RAB40C: variants seen among roughly 807,000 people sequenced by gnomAD.
RAB40C encodes the protein ras-related protein Rab-40C.
Under a neutral mutation model 28.1 loss-of-function variants are expected in RAB40C, and 8 were observed. The observed-to-expected ratio is 0.28, with a 90% CI of 0.17 to 0.51. The LOEUF is 0.51. Ranked by LOEUF, RAB40C falls within the 20% of genes least tolerant of loss-of-function variation. The pLI is 0.97. For synonymous variants in RAB40C, 201 were observed against 171.7 expected, an observed-to-expected ratio of 1.17 and a Z score of -1.34; for missense variants, 288 against 405.9, an observed-to-expected ratio of 0.71 and a Z score of 2.50.
chr16:614,827 C>T (rs1368103715), intron 1 of RAB40C, among the ~76,000 whole-genome samples: 3 of 151,914 alleles, frequency 2.0e-5, no homozygotes, highest in African/African-American at 4.8e-5. Context: ...AACTCTACCT[C>T]GTCCCAGTGG....
chr16:607,749 C>T (rs1412070910), intron 1 of RAB40C, among the ~76,000 whole-genome samples: 1 of 152,184 alleles, frequency 6.6e-6, no homozygotes, highest in Non-Finnish European at 1.5e-5. Context: ...CGAGATCGCG[C>T]CACTGCACTC....
Position 590,148 on chromosome 16 carries a change from C to A in RAB40C, c.-144C>A. ...CGCCCGGGCGCGGGCGGGGCGGGGC[C>A]GGCGCTGGGCTTCGGGCGCGCCCAC... On this transcript the variant is annotated 5_prime_UTR_variant, in exon 1 of 6. Transcript: ENST00000248139. 2.5e-6 allele frequency: 1 copy of A among 395,224 alleles called. No individual in the cohort carries two copies. Among genetic ancestry groups the A allele is most frequent in the Non-Finnish European group, 3.4e-6 (1 of 293,094 alleles). The allele number at this position is 395,224 out of a possible 1,614,324, so 24.5% of individuals were successfully genotyped here. A position where few individuals can be genotyped will look rare whatever the true frequency, so the allele number is the denominator to read the frequency against.
rs2036877739 is a variant in RAB40C, at chr16:627,993, G to T, written c.*371G>T. On this transcript the variant is annotated 3_prime_UTR_variant, in exon 6 of 6. Coordinates refer to ENST00000248139, the MANE Select transcript of RAB40C (RefSeq NM_021168.5). ...AGGGAAGCCTGGGTGTGGCCCGGTG[G>T]TGGTGCACTGGTGACTTCATGGCCA... is the stretch of plus-strand genomic sequence containing the variant. 1 of 209,202 alleles carries T rather than the reference G, an allele frequency of 4.8e-6. No individual in the cohort carries two copies. The highest frequency in any genetic ancestry group is 9.5e-6 in the Non-Finnish European group (1 of 105,588). 13.0% of individuals were successfully genotyped at this position (209,202 alleles called of 1,614,324 possible).
At chr16:621,192 C>T (rs1009768763) in intron 3 of RAB40C, among the ~76,000 whole-genome samples, 6 of 152,206 alleles carry the variant, frequency 3.9e-5, no homozygotes, top group Admixed American at 1.3e-4. Context: ...CCTGAGTCTC[C>T]AGGCGGGCCT....
intron 1 of RAB40C, among the ~76,000 whole-genome samples, chr16:591,164 G>T (rs4984898): frequency 0.39 from 56,454 of 145,228 alleles, 11,623 homozygotes; most frequent in East Asian, 0.61. Context: ...ATGGGTCTGG[G>T]ATCTCAGGGG....
chr16:623,579 G>A lies in RAB40C; in HGVS notation c.265-1853G>A, dbSNP rs555028993. Among the ~76,000 whole-genome samples, 7 of 151,502 alleles carry A rather than the reference G, an allele frequency of 4.6e-5. No homozygotes were observed. The South Asian group carries it at 8.4e-4, about 18-fold the overall frequency. ...TGAGGCAGGAGAATGGCGTGAACCCGGAAGCGGAGATCGTGCGGCTGCACT... is the reference window on the plus strand; with the variant it reads ...TGAGGCAGGAGAATGGCGTGAACCCAGAAGCGGAGATCGTGCGGCTGCACT... On this transcript the variant is annotated intron_variant, in intron 3 of 5. Coordinates refer to ENST00000248139, the MANE Select transcript of RAB40C (RefSeq NM_021168.5).
intron 1 of RAB40C, among the ~76,000 whole-genome samples, chr16:603,796 G>A (rs1439887628): frequency 7.2e-6 from 1 of 139,652 alleles, no homozygotes; most frequent in Non-Finnish European, 1.6e-5. Context: ...CCCAGCAGTC[G>A]GCTTCCATCA....
chr16:611,988 G>A (rs554655952), intron 1 of RAB40C, among the ~76,000 whole-genome samples: 2 of 51,784 alleles, frequency 3.9e-5, no homozygotes, highest in Admixed American at 2.0e-4. Context: ...CAGCCGCCCT[G>A]GCCTGTAGAA....
chr16:590,459 T>A lies in RAB40C; in HGVS notation c.142+26T>A, dbSNP rs183476305. 3,286 of 1,540,142 alleles carry A rather than the reference T, an allele frequency of 2.1e-3. 74 individuals carry two copies. The African/African-American group carries it at 0.041, about 19-fold the overall frequency. ...GTAAGGCCCGGCCCGCGGCGCGCGC[T>A]GCTACGCGGGGCCCGAGCCCGGCGA... On this transcript the variant is annotated intron_variant, in intron 1 of 5. Coordinates refer to ENST00000248139, the MANE Select transcript of RAB40C (RefSeq NM_021168.5).
intron 3 of RAB40C, 79 bp downstream of exon 3, chr16:618,339 G>A (rs889312378): frequency 1.3e-5 from 18 of 1,378,490 alleles, no homozygotes; most frequent in Non-Finnish European, 1.7e-5. Flanking sequence ...TTGTTGTCCT[G>A]TCAAACTCCC....
rs773521949 is a variant in RAB40C at position 590,411 on chromosome 16, G to A, written c.120G>A (p.Glu40=). The A allele has an allele frequency of 3.8e-6, 6 of 1,591,528 alleles. No individual in the cohort carries two copies. Among genetic ancestry groups the A allele is most frequent in the East Asian group, 2.4e-5 (1 of 42,394 alleles). Residue 40 remains glutamate (E), a synonymous_variant, in exon 1 of 6, where the codon GAG becomes GAA. Transcript: ENST00000248139. The part of the protein sequence containing the change: ...ILESLQDGAA[E]SPYAYSNGID... ...AGAGCCTGCAGGACGGCGCGGCAGA[G>A]TCCCCGTACGCCTACAGTAACGGTA...
chr16:627,697 G>C lies in RAB40C; in HGVS notation c.*75G>C, dbSNP rs1438856646. ...ACACTCCTGGCTGGACGCCAGGCCA[G>C]TGCCGCCTACGTGGAGACTGTCCAC... is the stretch of plus-strand genomic sequence containing the variant. On this transcript the variant is annotated 3_prime_UTR_variant, in exon 6 of 6. Coordinates refer to ENST00000248139, the MANE Select transcript of RAB40C (RefSeq NM_021168.5). The C allele has an allele frequency of 4.1e-6, 6 of 1,468,602 alleles. No individual in the cohort carries two copies. The African/African-American group carries it at 7.1e-5, about 17-fold the overall frequency. The allele number at this position is 1,468,602 out of a possible 1,614,324, so 91.0% of individuals were successfully genotyped here.
chr16:599,204 C>T (rs1270231864), intron 1 of RAB40C, among the ~76,000 whole-genome samples: 2 of 152,262 alleles, frequency 1.3e-5, no homozygotes, highest in Admixed American at 6.5e-5. Context: ...CAGGCCCCGG[C>T]CCCGGCCGAA....
chr16:601,103 G>GTTT (rs2036240135), intron 1 of RAB40C, among the ~76,000 whole-genome samples: 1 of 152,174 alleles, frequency 6.6e-6, no homozygotes, highest in Non-Finnish European at 1.5e-5. Flanking sequence ...TTTCCTCACC[G>GTTT]TTCAGTAAAT....
chr16:613,220 C>A (rs2036519457), intron 1 of RAB40C, among the ~76,000 whole-genome samples: 1 of 150,966 alleles, frequency 6.6e-6, no homozygotes, highest in South Asian at 2.1e-4. Flanking sequence ...GGACAGCCGC[C>A]CTGGCCTGTA....
At chr16:609,149 A>C (rs2036428385) in intron 1 of RAB40C, among the ~76,000 whole-genome samples, 1 of 152,148 alleles carries the variant, frequency 6.6e-6, no homozygotes, top group African/African-American at 2.4e-5. Flanking sequence ...CTGATAGGTG[A>C]GAGAGGTTTG....
At chr16:600,255 G>A (rs2036220928) in intron 1 of RAB40C, among the ~76,000 whole-genome samples, 1 of 152,248 alleles carries the variant, frequency 6.6e-6, no homozygotes, top group Non-Finnish European at 1.5e-5. Context: ...CCTGGAAACG[G>A]CCATCTCTCT....
chr16:606,917 G>C (rs2151068202), intron 1 of RAB40C, among the ~76,000 whole-genome samples: 1 of 152,280 alleles, frequency 6.6e-6, no homozygotes, highest in African/African-American at 2.4e-5. Context: ...AGAGTCCCAT[G>C]CTAGCAACTC....
rs1272338545 is a variant in RAB40C, at chr16:628,536, C to T, written c.*914C>T. ...GCTCTCCTGTGAGGTTGCACGGCAT[C>T]AGAACCATCCTGACCTTCTTAGGGA... On this transcript the variant is annotated 3_prime_UTR_variant, in exon 6 of 6. Coordinates refer to ENST00000248139, the MANE Select transcript of RAB40C (RefSeq NM_021168.5). The T allele has an allele frequency of 6.6e-6, 1 of 152,414 alleles. No individual in the cohort carries two copies. The highest frequency in any genetic ancestry group is 2.1e-4 in the South Asian group (1 of 4,830). The allele number at this position is 152,414 out of a possible 1,614,324, so 9.4% of individuals were successfully genotyped here. A position where few individuals can be genotyped will look rare whatever the true frequency, so the allele number is the denominator to read the frequency against.
Sources: gnomAD v4.1 joint callset for allele counts (sites outside exome capture counted in the v4.1 genomes callset) on GRCh38, gnomAD v4.1.1 for gene constraint, MANE v1.5 for transcripts, NCBI Gene and HGNC (gene_info 2026-07-23, HGNC 2026-07-21) for gene names.